Variants in ADCY8 observed in about 807,000 individuals in gnomAD.
ADCY8 encodes the protein adenylate cyclase type 8.
Under a neutral mutation model 119.7 loss-of-function variants are expected in ADCY8, and 51 were observed. That is an observed-to-expected ratio of 0.43 (90% CI 0.34 to 0.54). The LOEUF (loss-of-function observed/expected upper bound fraction) is 0.54, where lower values mean the gene tolerates loss of function less well. Among genes scored for constraint, ADCY8 ranks in the 20% least tolerant of loss-of-function variants. The pLI, the probability that ADCY8 is intolerant of heterozygous loss-of-function variation, is 0.03. For synonymous variants in ADCY8, 665 were observed against 651.0 expected (o/e 1.02, Z -0.33); for missense variants, 1,383 against 1,598.8 (o/e 0.87, Z 2.30).
At chr8:130,932,746 G>A (rs1324516760) in intron 5 of ADCY8, among the ~76,000 whole-genome samples, 1 of 152,026 alleles carries the variant, frequency 6.6e-6, no homozygotes, top group East Asian at 1.9e-4. Flanking sequence ...TCATTAACTG[G>A]CTTTACTACT....
chr8:131,010,137 C>T lies in ADCY8; in HGVS notation c.961-19595G>A, dbSNP rs556151954. Among the ~76,000 whole-genome samples the T allele has an allele frequency of 1.0e-3, 153 of 152,276 alleles. 1 individual carries two copies. The highest frequency in any genetic ancestry group is 6.8e-3 in the Middle Eastern group (2 of 294). ...GAGCTGAGAGTATGGATTCCAAAAT[C>T]CATTTCATGTCAATATGTCCAATTC... is the stretch of plus-strand genomic sequence containing the variant. On this transcript the variant is annotated intron_variant, in intron 1 of 17. Transcript: ENST00000286355.
chr8:130,997,638 C>T (rs932875765), intron 1 of ADCY8, among the ~76,000 whole-genome samples: 2 of 152,096 alleles, frequency 1.3e-5, no homozygotes, highest in African/African-American at 2.4e-5. Flanking sequence ...TCACAAATAA[C>T]TTTAAAAATA....
intron 13 of ADCY8, among the ~76,000 whole-genome samples, chr8:130,817,245 G>T (rs1229042580): frequency 2.0e-5 from 3 of 152,198 alleles, no homozygotes; most frequent in Non-Finnish European, 4.4e-5. Context: ...CAAGATTGAT[G>T]AAGTTAAGTC....
intron 5 of ADCY8, among the ~76,000 whole-genome samples, chr8:130,923,655 C>T (rs1820380276): frequency 6.6e-6 from 1 of 152,116 alleles, no homozygotes; most frequent in African/African-American, 2.4e-5. Context: ...CAGGACTCCC[C>T]AAAACAGACA....
chr8:131,040,479 G>C lies in ADCY8; in HGVS notation c.-146C>G. 9.7e-7 allele frequency: 1 copy of C among 1,034,024 alleles called. No individual in the cohort carries two copies. The highest frequency in any genetic ancestry group is 1.3e-6 in the Non-Finnish European group (1 of 775,946). 64.1% of individuals were successfully genotyped at this position (1,034,024 alleles called of 1,614,324 possible). A position where few individuals can be genotyped will look rare whatever the true frequency, so the allele number is the denominator to read the frequency against. On this transcript the variant is annotated 5_prime_UTR_variant, in exon 1 of 18. Transcript: ENST00000286355. The stretch of plus-strand genomic sequence containing the variant: ...CCCGTTGCAGGAGCCCTGCGCTAGG[G>C]CTCCCTGTAGGTCGGGTCATACTGT...
chr8:130,955,502 A>C (rs1030806063), intron 2 of ADCY8, among the ~76,000 whole-genome samples: 9 of 152,184 alleles, frequency 5.9e-5, no homozygotes, highest in African/African-American at 2.2e-4. Context: ...TTAGTGGTGC[A>C]CAATTATGTC....
chr8:130,903,529 CA>C (rs35960116), intron 7 of ADCY8, among the ~76,000 whole-genome samples: 62,317 of 122,516 alleles, frequency 0.51, 15,265 homozygotes, highest in East Asian at 0.65. Flanking sequence ...AGCTAGGTTA[CA>C]AAAAAAAAAA....
At position 130,937,060 on chromosome 8, in the gene ADCY8, G is replaced by A. The variant is rs765977550; in HGVS notation, c.1481+13C>T. ...TTGAAGACCCAGGTAACATGATGGG[G>A]ATCACAAATTACCTGATGGTTTTGA... On this transcript the variant is annotated intron_variant, in intron 5 of 17. Transcript: ENST00000286355. 6.2e-7 allele frequency: 1 copy of A among 1,603,996 alleles called. No individual in the cohort carries two copies.
intron 2 of ADCY8, among the ~76,000 whole-genome samples, chr8:130,954,479 C>A (rs79323707): frequency 1.3e-5 from 2 of 152,266 alleles, no homozygotes; most frequent in East Asian, 3.9e-4. Context: ...TGCAGCTGCC[C>A]TGACCCCACC....
intron 15 of ADCY8, 95 bp downstream of exon 15, chr8:130,800,331 C>CAAAAA (rs3067432): frequency 3.9e-4 from 526 of 1,350,882 alleles, no homozygotes; most frequent in South Asian, 5.1e-4. Flanking sequence ...CCGTTAAGTG[C>CAAAAA]AAAAAAAAAA....
intron 1 of ADCY8, among the ~76,000 whole-genome samples, chr8:130,992,129 G>T (rs888490358): frequency 6.7e-6 from 1 of 150,340 alleles, no homozygotes; most frequent in African/African-American, 2.4e-5. Context: ...ACCCAGGCTG[G>T]AGTGCAGTAG....
chr8:130,875,452 T>G (rs1818525621), intron 8 of ADCY8, among the ~76,000 whole-genome samples: 1 of 152,214 alleles, frequency 6.6e-6, no homozygotes, highest in African/African-American at 2.4e-5. Flanking sequence ...TGAGACCATT[T>G]GGTTCATGCT....
intron 2 of ADCY8, among the ~76,000 whole-genome samples, chr8:130,975,894 C>T (rs997542573): frequency 5.3e-5 from 8 of 152,174 alleles, no homozygotes; most frequent in African/African-American, 1.4e-4. Flanking sequence ...CCCAGTGACA[C>T]TGCCCGCAAT....
Position 130,867,869 on chromosome 8 carries a change from T to A in ADCY8, c.2187A>T (p.Ile729=). The change falls in exon 9 of 18, where the codon ATA becomes ATT. Residue 729 remains isoleucine (I), a synonymous_variant. Transcript: ENST00000286355. ...AFIVLLFITA[I]QSLLPSSRVM... The stretch of plus-strand genomic sequence containing the variant: ...ACCTTGAAGAAGGAAGCAAACTTTG[T>A]ATTGCCGTGATAAATAGAAGAACGA... 6.2e-7 allele frequency: 1 copy of A among 1,611,792 alleles called. No homozygotes were observed.
At chr8:130,938,826 A>G (rs1402317409) in intron 4 of ADCY8, among the ~76,000 whole-genome samples, 1 of 152,188 alleles carries the variant, frequency 6.6e-6, no homozygotes, top group African/African-American at 2.4e-5. Flanking sequence ...CAGCCATCCC[A>G]GGATTATTTT....
chr8:130,991,796 A>G (rs893365280), intron 1 of ADCY8, among the ~76,000 whole-genome samples: 3 of 152,244 alleles, frequency 2.0e-5, no homozygotes, highest in African/African-American at 7.2e-5. Flanking sequence ...CGAGATTATA[A>G]TAGTTCTTAC....
In ADCY8 at chr8:131,040,170, C is replaced by T; in HGVS notation, c.164G>A (p.Arg55Gln). Residue 55 changes from arginine to glutamine, a missense_variant, in exon 1 of 18, where the codon CGG (arginine) becomes CAG (glutamine). Arg to Gln is a conservative substitution (Grantham distance 43). Coordinates refer to ENST00000286355, the MANE Select transcript of ADCY8 (RefSeq NM_001115.3). The part of the protein sequence containing the change: ...ITEQRFIHGH[R>Q]GGSGSGSGGS... ...TCCACTCCCGCTGCCGCTGCCTCCC[C>T]GGTGCCCGTGAATGAAGCGCTGCTC... 3.9e-6 allele frequency: 6 copies of T among 1,533,838 alleles called. No homozygotes were observed. The African/African-American group carries it at 4.1e-5, about 10-fold the overall frequency.
intron 1 of ADCY8, among the ~76,000 whole-genome samples, chr8:131,002,202 G>A (rs950432788): frequency 1.3e-5 from 2 of 152,212 alleles, no homozygotes; most frequent in Admixed American, 1.3e-4. Flanking sequence ...AATGAAATTA[G>A]CAGAAGACCT....
At chr8:130,801,281 A>G (rs1469603187) in intron 14 of ADCY8, among the ~76,000 whole-genome samples, 1 of 151,360 alleles carries the variant, frequency 6.6e-6, no homozygotes, top group Non-Finnish European at 1.5e-5. Context: ...TCAGTGGATG[A>G]TCTTACCTTT....
Sources: allele counts gnomAD v4.1 joint callset (sites outside exome capture counted in the v4.1 genomes callset), GRCh38; gene constraint gnomAD v4.1.1; transcripts MANE v1.5; gene names NCBI Gene and HGNC (gene_info 2026-07-23, HGNC 2026-07-21).